Variants in LMF1 observed in about 807,000 individuals in gnomAD.
The protein encoded by LMF1 is transmembrane protein 112.
In LMF1, 68 loss-of-function variants were observed where a neutral mutation model predicts 60.6. The ratio of observed to expected loss-of-function variants is 1.12; its 90% confidence interval spans 0.92 to 1.37. The LOEUF is 1.37. LMF1 is among the 40% of genes most tolerant of loss of function. The pLI, the probability that LMF1 is intolerant of heterozygous loss-of-function variation, is 0.00. For synonymous variants in LMF1, 418 were observed against 324.7 expected, an observed-to-expected ratio of 1.29 and a Z score of -3.09; for missense variants, 948 against 767.2, an observed-to-expected ratio of 1.24 and a Z score of -2.78.
chr16:895,697 G>T (rs150777812), intron 4 of LMF1, among the ~76,000 whole-genome samples: 4 of 151,696 alleles, frequency 2.6e-5, no homozygotes, highest in Admixed American at 6.6e-5. Flanking sequence ...GACCGATGCC[G>T]AGAGGGACAC....
Position 970,789 on chromosome 16 carries a change from G to A in LMF1, c.192C>T (p.Tyr64=), listed in dbSNP as rs766348859. 8 of 1,531,916 alleles carry A rather than the reference G, an allele frequency of 5.2e-6. No homozygotes were observed. The Admixed American group carries it at 1.4e-4, about 27-fold the overall frequency. 94.9% of individuals were successfully genotyped at this position (1,531,916 alleles called of 1,614,324 possible). A position where few individuals can be genotyped will look rare whatever the true frequency, so the allele number is the denominator to read the frequency against. The change falls in exon 1 of 11, where the codon TAC becomes TAT. Residue 64 remains tyrosine, a splice_region_variant and synonymous_variant. Transcript: ENST00000262301. ...GTCCCGGGCCCGCCCGGCACTCACA[G>A]TACACGAAGGCTAGGGCCTTCAGGA... The part of the protein sequence containing the change: ...IVLLKALAFV[Y]FVAFLVAFHQ...
chr16:957,988 T>C (rs2072743268), intron 1 of LMF1, among the ~76,000 whole-genome samples: 1 of 151,718 alleles, frequency 6.6e-6, no homozygotes, highest in Non-Finnish European at 1.5e-5. Flanking sequence ...ACAAAATAAA[T>C]AAAAAAACAA....
chr16:890,827 C>T (rs1332483392), intron 5 of LMF1, among the ~76,000 whole-genome samples: 1 of 150,532 alleles, frequency 6.6e-6, no homozygotes, highest in Non-Finnish European at 1.5e-5. Flanking sequence ...TTGGGCCCTG[C>T]CTGCAGGCCC....
chr16:854,007 C>T lies in LMF1; in HGVS notation c.*525G>A, dbSNP rs1473052404. On this transcript the variant is annotated 3_prime_UTR_variant, in exon 11 of 11. Coordinates refer to ENST00000262301, the MANE Select transcript of LMF1 (RefSeq NM_022773.4). The stretch of plus-strand genomic sequence containing the variant: ...ACAGAAAATGGCCCATCCAACCCCA[C>T]ATCCTGGCCGGGCGTGTCCAGGTCC... 2 of 454,200 alleles carry T rather than the reference C, an allele frequency of 4.4e-6. No homozygotes were observed. The highest frequency in any genetic ancestry group is 4.7e-5 in the Admixed American group (2 of 42,582). 28.1% of individuals were successfully genotyped at this position (454,200 alleles called of 1,614,324 possible).
At chr16:886,607 C>G (rs1441980478) in intron 5 of LMF1, among the ~76,000 whole-genome samples, 18 of 26,304 alleles carry the variant, frequency 6.8e-4, no homozygotes, top group African/African-American at 5.2e-3. Flanking sequence ...ACCCTAGGCC[C>G]CCGGCGTTCC....
intron 10 of LMF1, among the ~76,000 whole-genome samples, chr16:858,553 T>A (rs868559170): frequency 1.1e-3 from 7 of 6,310 alleles, no homozygotes; most frequent in East Asian, 9.8e-3. Flanking sequence ...CAGTGGTGTC[T>A]CGGGACGGGT....
In LMF1 at chr16:871,278, C is replaced by G. The variant is rs1216408145; in HGVS notation, c.961G>C (p.Ala321Pro). The G allele has an allele frequency of 1.9e-6, 3 of 1,612,432 alleles. No individual in the cohort carries two copies. The highest frequency in any genetic ancestry group is 1.7e-6 in the Non-Finnish European group (2 of 1,179,820). The change falls in exon 7 of 11, where the codon GCC (alanine) becomes CCC (proline). Residue 321 changes from alanine to proline, a missense_variant. Ala to Pro is a conservative substitution (Grantham distance 27). Transcript: ENST00000262301. ...CCCAGGGTGGCGTCATCAAAGCAGG[C>G]CAGGCTGGGCACCATAGTCAGCCAG... The part of the protein sequence containing the change: ...LNWLTMVPSL[A>P]CFDDATLGFL...
At chr16:858,402 G>GC (rs371351356) in intron 10 of LMF1, among the ~76,000 whole-genome samples, 4 of 45,088 alleles carry the variant, frequency 8.9e-5, no homozygotes, top group African/African-American at 1.8e-4. Context: ...GGACGGGTGT[G>GC]AGTGGTGTCA....
rs143563367 is a variant in LMF1 at position 923,217 on chromosome 16, C to T, written c.514+11027G>A. On this transcript the variant is annotated intron_variant, in intron 3 of 10. Coordinates refer to ENST00000262301, the MANE Select transcript of LMF1 (RefSeq NM_022773.4). ...GCAGGAATGTGATGCCTGGGATCTG[C>T]GTCATGGCAAAACAGCAGGGGCAAG... Among the ~76,000 whole-genome samples, 5 of 152,318 alleles carry T rather than the reference C, an allele frequency of 3.3e-5. No homozygotes were observed. The East Asian group carries it at 5.8e-4, about 18-fold the overall frequency.
rs1300612063 is a variant in LMF1 at position 879,625 on chromosome 16, A to G, written c.842T>C (p.Leu281Pro). ...HFIELLVPFF[L>P]FLGRRACIIH... is the part of the protein sequence containing the mutation. ...GATGCACGCCCGCCGGCCGAGGAAGAGGAAGAAGGGCACCAGGAGCTCGAT... is the reference window on the plus strand; with the variant it reads ...GATGCACGCCCGCCGGCCGAGGAAGGGGAAGAAGGGCACCAGGAGCTCGAT... The change falls in exon 6 of 11, where the codon CTC becomes CCC. Residue 281 changes from leucine (L) to proline (P), a missense_variant. Coordinates refer to ENST00000262301, the MANE Select transcript of LMF1 (RefSeq NM_022773.4). The G allele has an allele frequency of 5.0e-6, 8 of 1,613,410 alleles. No homozygotes were observed. Among genetic ancestry groups the G allele is most frequent in the Non-Finnish European group, 6.8e-6 (8 of 1,179,772 alleles).
At chr16:934,310 C>A (rs2071878769) in intron 2 of LMF1, 56 bp from the exon 3 acceptor site, 1 of 1,594,290 alleles carries the variant, frequency 6.3e-7, no homozygotes, top group Admixed American at 1.7e-5. Context: ...CAACCAAAAA[C>A]CCACTGTTTC....
At chr16:957,112 T>C (rs536329466) in intron 1 of LMF1, among the ~76,000 whole-genome samples, 2 of 151,400 alleles carry the variant, frequency 1.3e-5, no homozygotes, top group East Asian at 2.0e-4. Flanking sequence ...GATGGCACCA[T>C]TGCACTCCAG....
chr16:981,011 C>A, intron 1 of LMF1: 1 of 194,342 alleles, frequency 5.1e-6, no homozygotes, highest in South Asian at 5.8e-5. Flanking sequence ...AGGCCCCGCC[C>A]AGCGCTCCCG....
At chr16:926,780 C>G (rs1215693865) in intron 3 of LMF1, among the ~76,000 whole-genome samples, 1 of 152,180 alleles carries the variant, frequency 6.6e-6, no homozygotes, top group African/African-American at 2.4e-5. Context: ...ATGCAGGACC[C>G]AAGGGACCCT....
chr16:887,872 C>T (rs967276564), intron 5 of LMF1, among the ~76,000 whole-genome samples: 5 of 152,190 alleles, frequency 3.3e-5, no homozygotes, highest in South Asian at 2.1e-4. Flanking sequence ...AGCCCAGAGA[C>T]GCACCCCCAA....
Position 853,860 on chromosome 16 carries a change from CCTCA to C in LMF1, c.*668_*671del. 2 of 454,084 alleles carry C rather than the reference CCTCA, an allele frequency of 4.4e-6. No individual in the cohort carries two copies. The highest frequency in any genetic ancestry group is 3.1e-5 in the South Asian group (2 of 64,474). The allele number at this position is 454,084 out of a possible 1,614,324, so 28.1% of individuals were successfully genotyped here. A position where few individuals can be genotyped will look rare whatever the true frequency, so the allele number is the denominator to read the frequency against. The stretch of plus-strand genomic sequence containing the variant: ...TGGGTGTGCGCTGTGTCCATCTGCA[CCTCA>C]CAGACACCAGTCATGGGGGGATGAA... On this transcript the variant is annotated 3_prime_UTR_variant, in exon 11 of 11. Coordinates refer to ENST00000262301, the MANE Select transcript of LMF1 (RefSeq NM_022773.4).
chr16:869,664 AC>A, intron 9 of LMF1: 2 of 651,338 alleles, frequency 3.1e-6, no homozygotes, highest in Non-Finnish European at 5.5e-6. Context: ...TACCTGGCAG[AC>A]CCGGGGGGAC....
rs901573430 is a variant in LMF1 at position 921,151 on chromosome 16, G to C, written c.515-10072C>G. On this transcript the variant is annotated intron_variant, in intron 3 of 10. Coordinates refer to ENST00000262301, the MANE Select transcript of LMF1 (RefSeq NM_022773.4). ...AGTAAAACAAAGACCATTTTCTTCT[G>C]GAGGCAACTCAAGGAGGTAAGACTG... The C allele has an allele frequency of 5.4e-4, 82 of 152,290 alleles. 1 individual carries two copies. Among genetic ancestry groups the C allele is most frequent in the Non-Finnish European group, 1.2e-4 (8 of 68,086 alleles). The allele number at this position is 152,290 out of a possible 1,614,324, so 9.4% of individuals were successfully genotyped here. A position where few individuals can be genotyped will look rare whatever the true frequency, so the allele number is the denominator to read the frequency against.
intron 3 of LMF1, among the ~76,000 whole-genome samples, chr16:917,761 G>A (rs1244412554): frequency 1.3e-5 from 2 of 152,322 alleles, no homozygotes; most frequent in Admixed American, 1.3e-4. Flanking sequence ...GTACTGCTGT[G>A]CTCGCCCGGC....
Sources: allele counts gnomAD v4.1 joint callset (sites outside exome capture counted in the v4.1 genomes callset), GRCh38; gene constraint gnomAD v4.1.1; transcripts MANE v1.5; gene names NCBI Gene and HGNC (gene_info 2026-07-23, HGNC 2026-07-21).